The following UQCR11 variants were observed in gnomAD, a reference collection of about 807,000 sequenced individuals.
UQCR11 encodes cytochrome b-c1 complex subunit 10.
Under a neutral mutation model 7.6 loss-of-function variants are expected in UQCR11, and 10 were observed. The ratio of observed to expected loss-of-function variants is 1.31; its 90% CI spans 0.81 to 2.22. The LOEUF (loss-of-function observed/expected upper bound fraction) is 2.22, where lower values mean the gene tolerates loss of function less well. Ranked by LOEUF, UQCR11 falls within the 30% of genes most tolerant of loss-of-function variation. The pLI is 0.00. For missense variants in UQCR11, 86 were observed against 75.1 expected (o/e 1.15, Z -0.54); for synonymous variants, 34 against 34.9 (o/e 0.97, Z 0.09).
chr19:1,600,206 CTTCT>C (rs1468897306), intron 1 of UQCR11, among the ~76,000 whole-genome samples: 19 of 146,936 alleles, frequency 1.3e-4, no homozygotes, highest in African/African-American at 4.7e-4. Context: ...TGGGCACAGG[CTTCT>C]TTTTTTTTTT....
rs1337431913 is a variant in UQCR11 at position 1,597,467 on chromosome 19, C to T, written c.*777G>A. The T allele has an allele frequency of 1.3e-5, 2 of 152,344 alleles. No individual in the cohort carries two copies. The highest frequency in any genetic ancestry group is 4.8e-5 in the African/African-American group (2 of 41,476). The allele number at this position is 152,344 out of a possible 1,614,324, so 9.4% of individuals were successfully genotyped here. ...GCCTGGGGGGCTTGCTTTTGATAAA[C>T]AGGCTGTGGCGGAAGTGATCACGTG... On this transcript the variant is annotated 3_prime_UTR_variant, in exon 3 of 3. Coordinates refer to ENST00000591899, the MANE Select transcript of UQCR11 (RefSeq NM_006830.4).
At chr19:1,599,621 G>C in intron 1 of UQCR11, 61 bp from the exon 2 acceptor site, 1 of 1,586,474 alleles carries the variant, frequency 6.3e-7, no homozygotes, top group Non-Finnish European at 8.5e-7. Context: ...ACCCTCTCCT[G>C]CCCACCCCGG....
Position 1,599,525 on chromosome 19 carries a change from G to A in UQCR11, c.86C>T (p.Ala29Val), listed in dbSNP as rs781398730. The change falls in exon 2 of 3, where the codon GCC becomes GTC. Residue 29 changes from alanine to valine, a missense_variant. Transcript: ENST00000591899. ...ATCGGTGGCCCACACCAGCCCCACG[G>A]CGCCCACAGCGCCCCATGTGTAGGC... is the stretch of plus-strand genomic sequence containing the variant. ...PTAYTWGAVG[A>V]VGLVWATDWR... 6.2e-7 allele frequency: 1 copy of A among 1,612,634 alleles called. No individual in the cohort carries two copies. The highest frequency in any genetic ancestry group is 8.5e-7 in the Non-Finnish European group (1 of 1,179,992).
Position 1,604,060 on chromosome 19 carries a change from C to T in UQCR11, c.50+1300G>A, listed in dbSNP as rs751216849. On this transcript the variant is annotated intron_variant, in intron 1 of 2. Transcript: ENST00000591899. ...TCCCGGGTTTGAGCGATTCTCCTGCCTCAGCCTCCCAAGTAGCTGGGATTA... is the reference window on the plus strand; with the variant it reads ...TCCCGGGTTTGAGCGATTCTCCTGCTTCAGCCTCCCAAGTAGCTGGGATTA... Among the ~76,000 whole-genome samples the T allele has an allele frequency of 1.8e-4, 28 of 152,290 alleles. No individual in the cohort carries two copies. The East Asian group carries it at 5.2e-3, about 28-fold the overall frequency.
Position 1,597,734 on chromosome 19 carries a change from A to T in UQCR11, c.*510T>A, listed in dbSNP as rs2145618650. ...TGGCCTTGGCTGATGTCTTAACTGC[A>T]ACCTCATGAGAGACTCTGGGCCACA... On this transcript the variant is annotated 3_prime_UTR_variant, in exon 3 of 3. Coordinates refer to ENST00000591899, the MANE Select transcript of UQCR11 (RefSeq NM_006830.4). 6.6e-6 allele frequency: 1 copy of T among 152,332 alleles called. No individual in the cohort carries two copies. The highest frequency in any genetic ancestry group is 2.4e-5 in the African/African-American group (1 of 41,572). The allele number at this position is 152,332 out of a possible 1,614,324, so 9.4% of individuals were successfully genotyped here.
At chr19:1,601,562 T>C (rs2060747128) in intron 1 of UQCR11, among the ~76,000 whole-genome samples, 1 of 144,124 alleles carries the variant, frequency 6.9e-6, no homozygotes, top group African/African-American at 2.6e-5. Context: ...GATCATGCCA[T>C]TGTACTCCAG....
In UQCR11 at chr19:1,599,514, C is replaced by A. The variant is rs1161563473; in HGVS notation, c.97G>T (p.Val33Leu). The A allele has an allele frequency of 1.9e-6, 3 of 1,613,204 alleles. No individual in the cohort carries two copies. The highest frequency in any genetic ancestry group is 2.7e-5 in the African/African-American group (2 of 74,952). ...ATCAGCCGCCAATCGGTGGCCCACA[C>A]CAGCCCCACGGCGCCCACAGCGCCC... ...TWGAVGAVGL[V>L]WATDWRLILD... is the part of the protein sequence containing the mutation. The change falls in exon 2 of 3, where the codon GTG (valine) becomes TTG (leucine). Residue 33 changes from valine (V) to leucine (L), a missense_variant. Val to Leu is a conservative substitution (Grantham distance 32, BLOSUM62 1). Coordinates refer to ENST00000591899, the MANE Select transcript of UQCR11 (RefSeq NM_006830.4).
chr19:1,601,441 A>C (rs1292681083), intron 1 of UQCR11, among the ~76,000 whole-genome samples: 1 of 151,718 alleles, frequency 6.6e-6, no homozygotes, highest in Non-Finnish European at 1.5e-5. Context: ...TTCTACTAAA[A>C]ATATAAAAAA....
chr19:1,599,495 C>A lies in UQCR11; in HGVS notation c.116G>T (p.Arg39Leu). Residue 39 changes from arginine to leucine, a missense_variant, in exon 2 of 3, where the codon CGG becomes CTG. Physicochemically the swap from Arg to Leu is moderately radical, Grantham distance 102 (BLOSUM62 -2). Transcript: ENST00000591899. ...GTAAGGTACCCAGTCCAGGATCAGCCGCCAATCGGTGGCCCACACCAGCCC... is the reference window on the plus strand; with the variant it reads ...GTAAGGTACCCAGTCCAGGATCAGCAGCCAATCGGTGGCCCACACCAGCCC... ...AVGLVWATDW[R>L]LILDWVPYIN... The A allele has an allele frequency of 1.2e-6, 2 of 1,613,730 alleles. No individual in the cohort carries two copies. Among genetic ancestry groups the A allele is most frequent in the Non-Finnish European group, 1.7e-6 (2 of 1,180,016 alleles).
In UQCR11 at chr19:1,599,441, T is replaced by C. The variant is rs780604289; in HGVS notation, c.170A>G (p.Ter57=). The C allele has an allele frequency of 6.2e-7, 1 of 1,613,602 alleles. No individual in the cohort carries two copies. The part of the protein sequence containing the change: ...YINGKFKKDN[*] The stretch of plus-strand genomic sequence containing the variant: ...GCAGTCTGTGAAGGGTTTGTGTAAT[T>C]AATTATCCTTCTTAAACTTGCCATT... Residue 57 remains the stop codon, a stop_retained_variant, in exon 2 of 3, where the codon TAA becomes TGA. Transcript: ENST00000591899.
chr19:1,602,877 C>A (rs975953422), intron 1 of UQCR11, among the ~76,000 whole-genome samples: 2 of 152,198 alleles, frequency 1.3e-5, no homozygotes, highest in Non-Finnish European at 2.9e-5. Context: ...GAAGAGCCCA[C>A]AAAACCTGAT....
At chr19:1,600,666 G>C (rs924774405) in intron 1 of UQCR11, among the ~76,000 whole-genome samples, 3 of 152,122 alleles carry the variant, frequency 2.0e-5, no homozygotes, top group South Asian at 2.1e-4. Context: ...GAGCCTAGGA[G>C]TTTGAGACCA....
intron 1 of UQCR11, chr19:1,602,284 G>A (rs2145621563): frequency 6.6e-6 from 1 of 152,328 alleles, no homozygotes; most frequent in African/African-American, 2.4e-5. Flanking sequence ...ATTGCCCCAA[G>A]GGGCCTCACC....
At chr19:1,603,347 A>G (rs1349764701) in intron 1 of UQCR11, among the ~76,000 whole-genome samples, 2 of 152,190 alleles carry the variant, frequency 1.3e-5, no homozygotes. Context: ...TCATGCCTGT[A>G]ATCCCAGAAC....
intron 1 of UQCR11, among the ~76,000 whole-genome samples, chr19:1,600,438 C>A (rs1294770994): frequency 6.6e-6 from 1 of 152,134 alleles, no homozygotes; most frequent in Non-Finnish European, 1.5e-5. Flanking sequence ...TGGTCTCAAT[C>A]TCCTGACCTC....
In UQCR11 at chr19:1,605,443, C is replaced by T. The variant is rs372586344; in HGVS notation, c.-34G>A. On this transcript the variant is annotated 5_prime_UTR_variant, in exon 1 of 3. Transcript: ENST00000591899. ...AGTCGCACCCTCAGGATGACCCTGT[C>T]CAGCTGACCCGGCTACACTGCGCAG... The T allele has an allele frequency of 6.7e-6, 10 of 1,481,964 alleles. No homozygotes were observed. In the East Asian group the frequency reaches 2.0e-4, roughly 30 times the overall value. 91.8% of individuals were successfully genotyped at this position (1,481,964 alleles called of 1,614,324 possible). A position where few individuals can be genotyped will look rare whatever the true frequency, so the allele number is the denominator to read the frequency against.
chr19:1,604,072 A>G (rs1599358282), intron 1 of UQCR11, among the ~76,000 whole-genome samples: 1 of 152,082 alleles, frequency 6.6e-6, no homozygotes, highest in African/African-American at 2.4e-5. Context: ...CAGCCTCCCA[A>G]GTAGCTGGGA....
At chr19:1,601,629 T>C (rs961618091) in intron 1 of UQCR11, among the ~76,000 whole-genome samples, 5 of 136,814 alleles carry the variant, frequency 3.7e-5, no homozygotes, top group African/African-American at 1.4e-4. Flanking sequence ...AAGAAATAAA[T>C]GAATCCAGCC....
At chr19:1,603,811 G>A (rs768951772) in intron 1 of UQCR11, among the ~76,000 whole-genome samples, 1 of 152,042 alleles carries the variant, frequency 6.6e-6, no homozygotes, top group African/African-American at 2.4e-5. Flanking sequence ...GCTGTAAAAC[G>A]CCACCGGCAC....
Sources: allele counts gnomAD v4.1 joint callset (sites outside exome capture counted in the v4.1 genomes callset), GRCh38; gene constraint gnomAD v4.1.1; transcripts MANE v1.5; gene names NCBI Gene and HGNC (gene_info 2026-07-23, HGNC 2026-07-21).